Variants in GLB1 observed in about 807,000 individuals in gnomAD.
The protein encoded by GLB1 is galactosidase beta 1, also known as beta-galactosidase.
Under a neutral mutation model 74.0 loss-of-function variants are expected in GLB1, and 56 were observed. The ratio of observed to expected loss-of-function variants is 0.76; its 90% CI spans 0.61 to 0.94. GLB1 has a LOEUF of 0.94. GLB1 is among the 40% of genes least tolerant of loss of function. The pLI is 0.00. For synonymous variants in GLB1, 323 were observed against 323.6 expected (o/e 1.00, Z 0.02); for missense variants, 787 against 845.5 (o/e 0.93, Z 0.86).
chr3:32,989,631 C>T, the GLB1 span, among the ~76,000 whole-genome samples: 1 of 152,174 alleles, frequency 6.6e-6, no homozygotes. Flanking sequence ...ACAGCTCAGA[C>T]CTGATCTGTC....
chr3:33,033,810 T>C (rs551669424), intron 10 of GLB1: 1 of 287,406 alleles, frequency 3.5e-6, no homozygotes, highest in Non-Finnish European at 6.7e-6. Flanking sequence ...TGGTAAGGAA[T>C]GGGGAGGCAC....
At chr3:32,966,256 C>T in the GLB1 span, among the ~76,000 whole-genome samples, 9 of 152,270 alleles carry the variant, frequency 5.9e-5, no homozygotes, top group African/African-American at 7.2e-5. Flanking sequence ...GCCACAGGGG[C>T]GGAGCTTCCC....
At position 33,093,005 on chromosome 3, in the gene GLB1, G is replaced by T; in HGVS notation, c.75+4006C>A. ...GATAGGCTGCTACGTTCAAGGGGAAGATCTGCCCAGCATGTGTGTGCCCAG... is the reference window on the plus strand; with the variant it reads ...GATAGGCTGCTACGTTCAAGGGGAATATCTGCCCAGCATGTGTGTGCCCAG... On this transcript the variant is annotated intron_variant, in intron 1 of 15. Transcript: ENST00000307363. The surrounding 1 kb of genome is among the most constrained non-coding windows in gnomAD (Gnocchi z 6.0). 6.2e-7 allele frequency: 1 copy of T among 1,614,258 alleles called. No homozygotes were observed. The highest frequency in any genetic ancestry group is 8.5e-7 in the Non-Finnish European group (1 of 1,180,046).
chr3:32,992,179 T>C (rs116041933), downstream of GLB1, among the ~76,000 whole-genome samples: 503 of 152,352 alleles, frequency 3.3e-3, 6 homozygotes, highest in African/African-American at 0.012. Flanking sequence ...TGGTTAATGC[T>C]GGAGAGGCTT....
intron 5 of GLB1, chr3:33,061,808 G>A (rs1699455220): frequency 6.6e-6 from 1 of 152,186 alleles, no homozygotes; most frequent in Non-Finnish European, 1.5e-5. Context: ...GCTTTTTCAG[G>A]TAGAAACTGA....
the GLB1 span, among the ~76,000 whole-genome samples, chr3:32,967,354 G>C: frequency 6.6e-6 from 1 of 152,166 alleles, no homozygotes; most frequent in Non-Finnish European, 1.5e-5. Context: ...ATCACCTGAG[G>C]TCAGGAGTTA....
the GLB1 span, among the ~76,000 whole-genome samples, chr3:32,963,171 TAAATC>T: frequency 1.4e-4 from 21 of 152,128 alleles, no homozygotes; most frequent in Admixed American, 8.5e-4. Context: ...GATGGCAACT[TAAATC>T]AAAGGAGGAA....
the GLB1 span, among the ~76,000 whole-genome samples, chr3:32,988,571 G>T: frequency 4.2e-4 from 64 of 152,264 alleles, no homozygotes; most frequent in East Asian, 0.012. Flanking sequence ...CAAAATTCTG[G>T]TGCCCAGAGT....
chr3:33,072,485 A>T, intron 2 of GLB1, 59 bp downstream of exon 2: 1 of 1,608,662 alleles, frequency 6.2e-7, no homozygotes, highest in East Asian at 2.2e-5. Flanking sequence ...ATACAGTTGT[A>T]TCTTCTCTCC....
chr3:33,080,511 A>T (rs1177390817), intron 1 of GLB1, among the ~76,000 whole-genome samples: 1 of 152,118 alleles, frequency 6.6e-6, no homozygotes, highest in Admixed American at 6.5e-5. Flanking sequence ...CTGCCCCAAC[A>T]CTGGGGGAAT....
the GLB1 span, among the ~76,000 whole-genome samples, chr3:32,989,007 G>T: frequency 1.3e-5 from 2 of 151,308 alleles, no homozygotes; most frequent in East Asian, 3.9e-4. Flanking sequence ...TGGGGGTGGG[G>T]TGCTGGCAGC....
chr3:33,052,484 T>C (rs1027640965), intron 7 of GLB1, among the ~76,000 whole-genome samples: 2 of 152,010 alleles, frequency 1.3e-5, no homozygotes, highest in Non-Finnish European at 2.9e-5. Flanking sequence ...ATACAAACAT[T>C]AGCTGGGCAT....
intron 10 of GLB1, among the ~76,000 whole-genome samples, chr3:33,044,786 C>T (rs1474532005): frequency 6.6e-6 from 1 of 151,964 alleles, no homozygotes; most frequent in Admixed American, 6.6e-5. Flanking sequence ...GGCAGAAAAC[C>T]TTTGTTTTTT....
At chr3:32,967,804 C>T in the GLB1 span, among the ~76,000 whole-genome samples, 1 of 152,130 alleles carries the variant, frequency 6.6e-6, no homozygotes. Context: ...GGAGTTTCAC[C>T]TGGATGGAAA....
intron 9 of GLB1, 142 bp downstream of exon 9, chr3:33,051,616 A>AG (rs1698990208): frequency 2.5e-6 from 3 of 1,196,720 alleles, no homozygotes; most frequent in East Asian, 5.8e-5. Flanking sequence ...AAAAAAAAAA[A>AG]AAAGAAAAAG....
chr3:33,021,725 C>A, intron 11 of GLB1, 70 bp from the exon 12 acceptor site: 2 of 1,546,184 alleles, frequency 1.3e-6, no homozygotes, highest in South Asian at 1.2e-5. Flanking sequence ...GAGTCATTCC[C>A]TAATTATCAA....
At chr3:33,047,642 C>A (rs961697955) in intron 9 of GLB1, among the ~76,000 whole-genome samples, 7 of 152,200 alleles carry the variant, frequency 4.6e-5, no homozygotes, top group Non-Finnish European at 8.8e-5. Context: ...TGATAGTTTA[C>A]CTAGGATTAG....
At chr3:33,047,914 A>G (rs1365948928) in intron 9 of GLB1, among the ~76,000 whole-genome samples, 1 of 151,750 alleles carries the variant, frequency 6.6e-6, no homozygotes, top group Non-Finnish European at 1.5e-5. Flanking sequence ...GCCTTAAGGG[A>G]TTCATAGGTT....
chr3:33,026,451 C>T (rs970710550), intron 10 of GLB1, among the ~76,000 whole-genome samples: 5 of 152,164 alleles, frequency 3.3e-5, no homozygotes, highest in Admixed American at 6.5e-5. Context: ...TTGGCACAAA[C>T]AGCCCGGGCG....
Sources: allele counts gnomAD v4.1 joint callset (sites outside exome capture counted in the v4.1 genomes callset), GRCh38; gene constraint gnomAD v4.1.1; non-coding constraint Gnocchi (gnomAD v3.1); transcripts MANE v1.5; gene names NCBI Gene and HGNC (gene_info 2026-07-23, HGNC 2026-07-21).